The following SUMF1 variants were observed in gnomAD, a reference collection of about 807,000 sequenced individuals.
The protein encoded by SUMF1 is sulfatase modifying factor 1.
Under a neutral mutation model 47.6 loss-of-function variants are expected in SUMF1, and 48 were observed. That is an observed-to-expected ratio of 1.01 (90% CI 0.80 to 1.28). SUMF1 has a LOEUF of 1.28. Ranked by LOEUF, SUMF1 falls within the 50% of genes most tolerant of loss-of-function variation. The probability of loss-of-function intolerance (pLI) is 0.00; values close to 1 mark genes in which losing one functional copy is unlikely to be tolerated. For missense variants in SUMF1, 571 were observed against 485.4 expected, an observed-to-expected ratio of 1.18 and a Z score of -1.66; for synonymous variants, 230 against 192.1, an observed-to-expected ratio of 1.20 and a Z score of -1.63.
At chr3:4,292,689 G>C (rs1043955358) in intron 8 of SUMF1, among the ~76,000 whole-genome samples, 4 of 152,148 alleles carry the variant, frequency 2.6e-5, no homozygotes, top group African/African-American at 9.7e-5. Context: ...CATCTGAACA[G>C]GTACTGCCAG....
intron 9 of SUMF1, among the ~76,000 whole-genome samples, chr3:4,040,256 A>C (rs2125016933): frequency 6.6e-6 from 1 of 152,288 alleles, no homozygotes; most frequent in East Asian, 1.9e-4. Flanking sequence ...ATAAAACAAC[A>C]GGTCAAATTA....
chr3:4,121,641 A>G lies in SUMF1; in HGVS notation c.1015-52896T>C, dbSNP rs192559058. On this transcript the variant is annotated intron_variant and NMD_transcript_variant, in intron 8 of 12. Coordinates refer to the SUMF1 transcript ENST00000448413. Reference sequence around the variant, plus strand: ...ATTATGACCTAGCAATTTCATTCCTAGGTATATACCCAAAAGAAGTGAAAA... The same window carrying G: ...ATTATGACCTAGCAATTTCATTCCTGGGTATATACCCAAAAGAAGTGAAAA... 3.4e-4 allele frequency among the ~76,000 whole-genome samples: 52 copies of G among 152,292 alleles called. 1 individual carries two copies. Among genetic ancestry groups the G allele is most frequent in the African/African-American group, 1.2e-3 (49 of 41,576 alleles).
chr3:4,190,305 G>A (rs371740095), intron 8 of SUMF1, among the ~76,000 whole-genome samples: 10 of 152,150 alleles, frequency 6.6e-5, no homozygotes, highest in African/African-American at 2.2e-4. Context: ...GGGAAGCACA[G>A]GGGAAGTAAG....
chr3:4,252,853 G>C (rs905400881), intron 8 of SUMF1, among the ~76,000 whole-genome samples: 4 of 152,034 alleles, frequency 2.6e-5, no homozygotes, highest in Non-Finnish European at 2.9e-5. Flanking sequence ...ATTTGCACCT[G>C]TTTTTAATAT....
rs112375898 is a variant in SUMF1, at chr3:4,215,783, G to A, written c.1015-147038C>T. ...AGAGCCAAATCATGAGTCAATTCCC[G>A]TTCACAATTGCTACTAAGAGAAAAA... On this transcript the variant is annotated intron_variant and NMD_transcript_variant, in intron 8 of 12. Coordinates refer to the SUMF1 transcript ENST00000448413. Among the ~76,000 whole-genome samples, 116 of 151,994 alleles carry A rather than the reference G, an allele frequency of 7.6e-4. 4 individuals are homozygous for A. The highest frequency in any genetic ancestry group is 2.5e-3 in the South Asian group (12 of 4,812).
At chr3:4,093,018 G>A (rs1186691856) in intron 8 of SUMF1, among the ~76,000 whole-genome samples, 3 of 152,140 alleles carry the variant, frequency 2.0e-5, no homozygotes, top group Non-Finnish European at 4.4e-5. Flanking sequence ...AATACATGCA[G>A]TGCTTAAAAG....
intron 8 of SUMF1, among the ~76,000 whole-genome samples, chr3:4,069,177 G>A (rs1175883053): frequency 6.6e-6 from 1 of 152,124 alleles, no homozygotes; most frequent in Admixed American, 6.5e-5. Flanking sequence ...GAGATAACTA[G>A]TCACAGAAGG....
At chr3:4,102,526 A>G (rs1415625772) in intron 8 of SUMF1, among the ~76,000 whole-genome samples, 3 of 152,092 alleles carry the variant, frequency 2.0e-5, no homozygotes, top group Non-Finnish European at 4.4e-5. Flanking sequence ...ATTTCTAGCC[A>G]TTTGTCAAAG....
In SUMF1 at chr3:4,215,023, G is replaced by C. The variant is rs536495074; in HGVS notation, c.1015-146278C>G. The stretch of plus-strand genomic sequence containing the variant: ...AATGATTTCAAACAATAGAAAAAGA[G>C]GGAATCCTCCCTAACTCATTTTATG... On this transcript the variant is annotated intron_variant and NMD_transcript_variant, in intron 8 of 12. Transcript: ENST00000448413. 2.6e-5 allele frequency among the ~76,000 whole-genome samples: 4 copies of C among 152,236 alleles called. No homozygotes were observed. In the East Asian group the frequency reaches 7.7e-4, roughly 29 times the overall value.
chr3:4,413,105 A>T (rs1701597400), intron 6 of SUMF1, among the ~76,000 whole-genome samples: 1 of 151,990 alleles, frequency 6.6e-6, no homozygotes, highest in African/African-American at 2.4e-5. Flanking sequence ...CCCAGGCTCA[A>T]GCGATCCTCT....
chr3:4,126,048 TG>T (rs1693648660), intron 8 of SUMF1, among the ~76,000 whole-genome samples: 1 of 151,856 alleles, frequency 6.6e-6, no homozygotes, highest in South Asian at 2.1e-4. Context: ...TCCCTAGAAC[TG>T]CATCCCACCT....
chr3:4,295,252 T>C lies in SUMF1; in HGVS notation c.1014+81078A>G, dbSNP rs183877522. ...ATATAGTTGCAGGAACGTTGCATTA[T>C]AAGAAGCAGAAAATTAATATAGTCT... is the stretch of plus-strand genomic sequence containing the variant. On this transcript the variant is annotated intron_variant and NMD_transcript_variant, in intron 8 of 12. Coordinates refer to the SUMF1 transcript ENST00000448413. Among the ~76,000 whole-genome samples, 28 of 152,168 alleles carry C rather than the reference T, an allele frequency of 1.8e-4. No homozygotes were observed. In the East Asian group the frequency reaches 4.6e-3, roughly 25 times the overall value.
chr3:4,156,849 C>CT (rs930063364), intron 8 of SUMF1, among the ~76,000 whole-genome samples: 1 of 151,596 alleles, frequency 6.6e-6, no homozygotes, highest in African/African-American at 2.4e-5. Context: ...TAAATTAATA[C>CT]TTTTTTTCTA....
At chr3:4,323,101 A>T (rs144173784) in intron 8 of SUMF1, among the ~76,000 whole-genome samples, 2 of 152,230 alleles carry the variant, frequency 1.3e-5, no homozygotes, top group Non-Finnish European at 2.9e-5. Context: ...AGCAAAAAAA[A>T]GTAGGCACAA....
At chr3:4,262,233 G>T (rs914170197) in intron 8 of SUMF1, among the ~76,000 whole-genome samples, 2 of 152,072 alleles carry the variant, frequency 1.3e-5, no homozygotes, top group Admixed American at 1.3e-4. Flanking sequence ...ACATTGCTCA[G>T]CACAACCTCC....
At chr3:4,303,828 G>A (rs1183321249) in intron 8 of SUMF1, 3 of 1,360,818 alleles carry the variant, frequency 2.2e-6, no homozygotes, top group African/African-American at 3.0e-5. Context: ...GGCATCACGG[G>A]GGGAGTCATT....
In SUMF1 at chr3:4,142,317, A is replaced by T. The variant is rs543186707; in HGVS notation, c.1015-73572T>A. Among the ~76,000 whole-genome samples the T allele has an allele frequency of 3.1e-4, 47 of 152,228 alleles. No individual in the cohort carries two copies. In the East Asian group the frequency reaches 7.5e-3, roughly 24 times the overall value. ...TTTTGACAATTCCATCACATGTCCT[A>T]CAGTTCCTCTAAGAAGCTGAGAGAC... On this transcript the variant is annotated intron_variant and NMD_transcript_variant, in intron 8 of 12. Coordinates refer to the SUMF1 transcript ENST00000448413.
chr3:4,426,049 A>G (rs762703226), intron 3 of SUMF1, among the ~76,000 whole-genome samples: 2 of 152,206 alleles, frequency 1.3e-5, no homozygotes, highest in South Asian at 2.1e-4. Flanking sequence ...GGTCCCTCCC[A>G]TGACACGTAA....
At chr3:4,103,683 A>G (rs189854920) in intron 8 of SUMF1, among the ~76,000 whole-genome samples, 4 of 152,250 alleles carry the variant, frequency 2.6e-5, no homozygotes, top group Admixed American at 2.6e-4. Flanking sequence ...TAATGGATAC[A>G]CTTACTATGT....
Sources: gnomAD v4.1 joint callset for allele counts (sites outside exome capture counted in the v4.1 genomes callset) on GRCh38, gnomAD v4.1.1 for gene constraint, MANE v1.5 for transcripts, NCBI Gene and HGNC (gene_info 2026-07-23, HGNC 2026-07-21) for gene names.